COBLL1: variants seen among roughly 807,000 people sequenced by gnomAD.
COBLL1 encodes the protein cordon-bleu WH2 repeat protein like 1.
COBLL1 carries 50 observed loss-of-function variants against 94.8 expected under a neutral mutation model. The ratio of observed to expected loss-of-function variants is 0.53; its 90% CI spans 0.42 to 0.67. The LOEUF is 0.67. Ranked by LOEUF, COBLL1 falls within the 30% of genes least tolerant of loss-of-function variation. COBLL1 has a pLI of 0.00. For missense variants in COBLL1, 1,362 were observed against 1,348.7 expected, an observed-to-expected ratio of 1.01 and a Z score of -0.15; for synonymous variants, 448 against 473.8, an observed-to-expected ratio of 0.95 and a Z score of 0.71.
At position 164,700,589 on chromosome 2, in the gene COBLL1, T is replaced by G; in HGVS notation, c.1393A>C (p.Asn465His). 2 of 1,613,908 alleles carry G rather than the reference T, an allele frequency of 1.2e-6. No individual in the cohort carries two copies. The highest frequency in any genetic ancestry group is 1.7e-6 in the Non-Finnish European group (2 of 1,179,850). ...LKNDPDSALG[N>H]GSGEFSQNSM... The stretch of plus-strand genomic sequence containing the variant: ...TTTTGTGAGAACTCTCCACTACCAT[T>G]GCCAAGGGCTGAGTCAGGATCATTT... Residue 465 changes from asparagine to histidine, a missense_variant, in exon 10 of 14, where the codon AAT becomes CAT. By Grantham distance (68) the Asn-to-His change is moderately conservative (BLOSUM62 1). Coordinates refer to ENST00000652658, the MANE Select transcript of COBLL1 (RefSeq NM_001365672.2).
At chr2:164,811,803 C>A (rs1684472579) in intron 2 of COBLL1, among the ~76,000 whole-genome samples, 1 of 151,682 alleles carries the variant, frequency 6.6e-6, no homozygotes, top group African/African-American at 2.4e-5. Context: ...CAAAAGTTCA[C>A]CAAAAAAGAA....
chr2:164,794,941 T>C (rs781767502), intron 2 of COBLL1, among the ~76,000 whole-genome samples: 5 of 152,192 alleles, frequency 3.3e-5, no homozygotes, highest in Non-Finnish European at 5.9e-5. Flanking sequence ...AGAAAATGAA[T>C]TTGTAAACCT....
At chr2:164,672,705 CAAAAAAAAAA>C (rs1187183800) in intron 1 of COBLL1, among the ~76,000 whole-genome samples, 1 of 64,968 alleles carries the variant, frequency 1.5e-5, no homozygotes, top group African/African-American at 5.1e-5. Context: ...GACTCCGTCT[CAAAAAAAAAA>C]AAAAAAAAAA....
At chr2:164,772,340 T>C (rs1350016454) in intron 2 of COBLL1, among the ~76,000 whole-genome samples, 1 of 152,032 alleles carries the variant, frequency 6.6e-6, no homozygotes, top group African/African-American at 2.4e-5. Context: ...AATTTACATT[T>C]GAATTATATA....
intron 9 of COBLL1, chr2:164,703,565 TA>T: frequency 2.4e-6 from 1 of 412,916 alleles, no homozygotes; most frequent in East Asian, 8.2e-5. Flanking sequence ...GAGTAAGATT[TA>T]AAATCACAGA....
At chr2:164,674,280 C>G (rs530209948) in intron 1 of COBLL1, among the ~76,000 whole-genome samples, 2 of 152,132 alleles carry the variant, frequency 1.3e-5, no homozygotes, top group African/African-American at 4.8e-5. Context: ...AGGATGGCCT[C>G]GATCTCTTGA....
intron 2 of COBLL1, among the ~76,000 whole-genome samples, chr2:164,839,707 A>C (rs1232252895): frequency 6.6e-6 from 1 of 152,158 alleles, no homozygotes; most frequent in East Asian, 1.9e-4. Flanking sequence ...CGGTATCCTG[A>C]CAGCTGTCTC....
chr2:164,766,819 G>A (rs931281194), intron 2 of COBLL1, among the ~76,000 whole-genome samples: 4 of 152,052 alleles, frequency 2.6e-5, no homozygotes. Flanking sequence ...TAATTTACTC[G>A]TGAAAGACCA....
At chr2:164,752,413 T>C (rs570475378) in intron 2 of COBLL1, among the ~76,000 whole-genome samples, 3 of 116,170 alleles carry the variant, frequency 2.6e-5, no homozygotes, top group South Asian at 2.5e-4. Flanking sequence ...TCTTAAACAT[T>C]CATCAAAATA....
chr2:164,728,254 C>T, intron 4 of COBLL1, 57 bp from the exon 5 acceptor site: 1 of 1,062,472 alleles, frequency 9.4e-7, no homozygotes, highest in Non-Finnish European at 1.5e-6. Context: ...AAACACTCTA[C>T]AATAATGTCT....
At chr2:164,688,797 C>A (rs923931295) in intron 13 of COBLL1, among the ~76,000 whole-genome samples, 1 of 152,104 alleles carries the variant, frequency 6.6e-6, no homozygotes, top group Admixed American at 6.5e-5. Flanking sequence ...TTCCTTCCCT[C>A]CACCTTCTGT....
At position 164,662,944 on chromosome 2, in the gene COBLL1, C is replaced by T. The variant is rs149644578; in HGVS notation, n.181+2903G>A. On this transcript the variant is annotated intron_variant and non_coding_transcript_variant, in intron 2 of 2. Coordinates refer to the COBLL1 transcript ENST00000495084. The stretch of plus-strand genomic sequence containing the variant: ...TAAATCTCTTTTCTTTATAAATTAC[C>T]CTGCCTTGGGTATTTCTTTATAGCA... 3.7e-4 allele frequency among the ~76,000 whole-genome samples: 57 copies of T among 152,216 alleles called. No individual in the cohort carries two copies. In the East Asian group the frequency reaches 7.9e-3, roughly 21 times the overall value.
Position 164,700,743 on chromosome 2 carries a change from A to G in COBLL1, c.1239T>C (p.Ser413=). 6.3e-7 allele frequency: 1 copy of G among 1,598,838 alleles called. No homozygotes were observed. The highest frequency in any genetic ancestry group is 8.6e-7 in the Non-Finnish European group (1 of 1,167,568). ...CATCTATCTCTTCAAGGCTATAATC[A>G]GAGCTTATTCCAGCTACAAAGAAAT... is the stretch of plus-strand genomic sequence containing the variant. ...EELSSPAGIS[S]DYSLEEIDEK... is the part of the protein sequence containing the mutation. The change falls in exon 10 of 14, where the codon TCT becomes TCC. Residue 413 remains serine, a synonymous_variant. Transcript: ENST00000652658.
chr2:164,798,475 A>G (rs918051773), intron 2 of COBLL1, among the ~76,000 whole-genome samples: 1 of 152,186 alleles, frequency 6.6e-6, no homozygotes, highest in African/African-American at 2.4e-5. Context: ...AATTACAACT[A>G]TTCAAGCCAA....
chr2:164,686,103 C>A, intron 13 of COBLL1, 71 bp from the exon 14 acceptor site: 1 of 679,152 alleles, frequency 1.5e-6, no homozygotes. Context: ...CAATTTTCAA[C>A]AGTTACCACA....
At chr2:164,835,455 G>C (rs980631193) in intron 2 of COBLL1, among the ~76,000 whole-genome samples, 2 of 152,196 alleles carry the variant, frequency 1.3e-5, no homozygotes, top group East Asian at 3.9e-4. Flanking sequence ...GTCAAAATCA[G>C]AGACAAAGTA....
intron 2 of COBLL1, among the ~76,000 whole-genome samples, chr2:164,745,783 G>A (rs951796470): frequency 6.6e-6 from 1 of 152,182 alleles, no homozygotes. Flanking sequence ...ATTTTTGGCA[G>A]AGGAAAGTTA....
rs553786186 is a variant in COBLL1 at position 164,746,773 on chromosome 2, C to A, written c.42-2898G>T. 2.6e-5 allele frequency among the ~76,000 whole-genome samples: 4 copies of A among 152,156 alleles called. No individual in the cohort carries two copies. The East Asian group carries it at 7.8e-4, about 29-fold the overall frequency. The stretch of plus-strand genomic sequence containing the variant: ...CCGGCCTCTCCAGTCCCCTATCTAA[C>A]ACTTTCTCCCTAGGATCACTGCATT... On this transcript the variant is annotated intron_variant, in intron 2 of 13. Coordinates refer to ENST00000652658, the MANE Select transcript of COBLL1 (RefSeq NM_001365672.2).
chr2:164,678,665 GATA>G (rs1298734599), downstream of COBLL1, among the ~76,000 whole-genome samples: 22 of 151,940 alleles, frequency 1.4e-4, no homozygotes, highest in Non-Finnish European at 2.8e-4. Flanking sequence ...CAAACATGAA[GATA>G]ATATTTAAAT....
Sources: allele counts gnomAD v4.1 joint callset (sites outside exome capture counted in the v4.1 genomes callset), GRCh38; gene constraint gnomAD v4.1.1; transcripts MANE v1.5; gene names NCBI Gene and HGNC (gene_info 2026-07-23, HGNC 2026-07-21).